Variants in CYP7B1 observed in about 807,000 individuals in gnomAD.
CYP7B1 encodes cytochrome P450 7B1.
A neutral mutation model predicts 42.7 loss-of-function variants in CYP7B1; 29 were observed. The ratio of observed to expected loss-of-function variants is 0.68; its 90% CI spans 0.51 to 0.93. CYP7B1 has a LOEUF of 0.93. Ranked by LOEUF, CYP7B1 falls within the 40% of genes least tolerant of loss-of-function variation. The pLI, the probability that CYP7B1 is intolerant of heterozygous loss-of-function variation, is 0.00. For missense variants in CYP7B1, 655 were observed against 600.5 expected, an observed-to-expected ratio of 1.09 and a Z score of -0.95; for synonymous variants, 235 against 218.2, an observed-to-expected ratio of 1.08 and a Z score of -0.68.
chr8:64,724,663 G>A (rs1807295349), intron 1 of CYP7B1, among the ~76,000 whole-genome samples: 1 of 152,138 alleles, frequency 6.6e-6, no homozygotes, highest in African/African-American at 2.4e-5. Context: ...TTCTTCATTT[G>A]CTTGTATTGG....
At chr8:64,747,469 T>A (rs1036829792) in intron 1 of CYP7B1, among the ~76,000 whole-genome samples, 2 of 151,326 alleles carry the variant, frequency 1.3e-5, no homozygotes, top group African/African-American at 4.8e-5. Context: ...ACATAAAAAG[T>A]TAATTAACAC....
chr8:64,674,546 G>C (rs992886765), intron 1 of CYP7B1, among the ~76,000 whole-genome samples: 1 of 152,110 alleles, frequency 6.6e-6, no homozygotes, highest in African/African-American at 2.4e-5. Flanking sequence ...ATGGCAATAA[G>C]GGGTAGCATT....
At chr8:64,623,132 T>C (rs1237496896) in intron 2 of CYP7B1, among the ~76,000 whole-genome samples, 1 of 152,202 alleles carries the variant, frequency 6.6e-6, no homozygotes, top group Admixed American at 6.5e-5. Flanking sequence ...CAAAGATAGC[T>C]ATGATGTATT....
At chr8:64,743,382 T>C (rs371455952) in intron 1 of CYP7B1, among the ~76,000 whole-genome samples, 4 of 146,490 alleles carry the variant, frequency 2.7e-5, no homozygotes, top group African/African-American at 5.3e-5. Context: ...AATTACAACA[T>C]GGCCTTAGCA....
At chr8:64,730,751 G>GCACACACA (rs61050207) in intron 1 of CYP7B1, among the ~76,000 whole-genome samples, 11,780 of 142,804 alleles carry the variant, frequency 0.082, 762 homozygotes, top group African/African-American at 0.16. Context: ...AGGACTGTCT[G>GCACACACA]CACACACACA....
chr8:64,632,934 A>AG, intron 1 of CYP7B1, among the ~76,000 whole-genome samples: 1 of 152,008 alleles, frequency 6.6e-6, no homozygotes, highest in African/African-American at 2.4e-5. Context: ...ACAGAAAGGA[A>AG]GGGGGGCGGG....
chr8:64,777,174 TAAA>T (rs71561235), intron 1 of CYP7B1, among the ~76,000 whole-genome samples: 14 of 113,122 alleles, frequency 1.2e-4, no homozygotes, highest in African/African-American at 3.8e-4. Flanking sequence ...GGTCATTTTG[TAAA>T]AAAAAAAAAA....
At chr8:64,738,262 C>G (rs1229730212) in intron 1 of CYP7B1, among the ~76,000 whole-genome samples, 1 of 151,950 alleles carries the variant, frequency 6.6e-6, no homozygotes, top group Admixed American at 6.6e-5. Flanking sequence ...TTTATAGATA[C>G]CAATAAGCAC....
chr8:64,663,629 T>G (rs1267879002), intron 1 of CYP7B1, among the ~76,000 whole-genome samples: 2 of 152,208 alleles, frequency 1.3e-5, no homozygotes, highest in Non-Finnish European at 2.9e-5. Context: ...GCTAGGTCAT[T>G]CCAACAGAGT....
intron 1 of CYP7B1, among the ~76,000 whole-genome samples, chr8:64,638,600 G>T (rs1483845933): frequency 6.6e-6 from 1 of 152,044 alleles, no homozygotes. Context: ...ATCAGGCCAG[G>T]TTGGCATTAG....
intron 1 of CYP7B1, among the ~76,000 whole-genome samples, chr8:64,644,284 A>AG (rs1419242812): frequency 6.6e-6 from 1 of 151,956 alleles, no homozygotes; most frequent in East Asian, 1.9e-4. Flanking sequence ...AAAAAAAAAA[A>AG]AAAGAATGGC....
intron 1 of CYP7B1, among the ~76,000 whole-genome samples, chr8:64,742,956 T>C (rs758836533): frequency 2.6e-5 from 4 of 152,218 alleles, no homozygotes; most frequent in Non-Finnish European, 5.9e-5. Flanking sequence ...TAATTTCATT[T>C]CCTTCTTCTA....
intron 1 of CYP7B1, among the ~76,000 whole-genome samples, chr8:64,645,855 G>C (rs1175609425): frequency 2.0e-5 from 3 of 152,052 alleles, no homozygotes; most frequent in African/African-American, 7.2e-5. Flanking sequence ...CAGAGATATA[G>C]ATCAATGGAA....
downstream of CYP7B1, among the ~76,000 whole-genome samples, chr8:64,588,420 A>C (rs980300141): frequency 4.6e-5 from 7 of 152,216 alleles, no homozygotes; most frequent in African/African-American, 1.7e-4. Flanking sequence ...TTATTTACAA[A>C]TGTTTCTCAA....
intron 1 of CYP7B1, among the ~76,000 whole-genome samples, chr8:64,637,202 A>G (rs1805786592): frequency 6.6e-6 from 1 of 152,182 alleles, no homozygotes; most frequent in Non-Finnish European, 1.5e-5. Flanking sequence ...TCAACACCAA[A>G]ATAATCAAGC....
intron 1 of CYP7B1, among the ~76,000 whole-genome samples, chr8:64,757,533 C>T (rs928073154): frequency 1.1e-4 from 16 of 152,100 alleles, no homozygotes; most frequent in African/African-American, 3.4e-4. Context: ...ATGGAGACTC[C>T]CAGGCCTACA....
At chr8:64,733,352 C>A (rs1264915977) in intron 1 of CYP7B1, among the ~76,000 whole-genome samples, 1 of 152,184 alleles carries the variant, frequency 6.6e-6, no homozygotes, top group Non-Finnish European at 1.5e-5. Context: ...CTCCCCTCTC[C>A]AGTGGATACA....
intron 4 of CYP7B1, among the ~76,000 whole-genome samples, chr8:64,611,713 G>A (rs1190616665): frequency 6.6e-6 from 1 of 152,028 alleles, no homozygotes; most frequent in East Asian, 1.9e-4. Context: ...TCAATTTGAG[G>A]ATACGTCACT....
At position 64,616,112 on chromosome 8, in the gene CYP7B1, T is replaced by C. The variant is rs757564967; in HGVS notation, c.429A>G (p.Gln143=). ...DMNDELHLCY[Q]FLQGKSLDIL... ...TGTCCAAAGATTTGCCTTGCAAAAA[T>C]TGATAGCAGAGGTGAAGCTCATCAT... The change falls in exon 3 of 6, where the codon CAA becomes CAG. Residue 143 remains glutamine, a synonymous_variant. Coordinates refer to ENST00000310193, the MANE Select transcript of CYP7B1 (RefSeq NM_004820.5). The C allele has an allele frequency of 2.5e-6, 4 of 1,613,606 alleles. No individual in the cohort carries two copies. The highest frequency in any genetic ancestry group is 2.2e-5 in the South Asian group (2 of 91,074).
Sources: gnomAD v4.1 joint callset for allele counts (sites outside exome capture counted in the v4.1 genomes callset) on GRCh38, gnomAD v4.1.1 for gene constraint, MANE v1.5 for transcripts, NCBI Gene and HGNC (gene_info 2026-07-23, HGNC 2026-07-21) for gene names.